Variants in ILDR1 observed in about 807,000 individuals in gnomAD.
ILDR1 encodes immunoglobulin-like domain-containing receptor 1.
Under a neutral mutation model 62.4 loss-of-function variants are expected in ILDR1, and 56 were observed. The ratio of observed to expected loss-of-function variants is 0.90; its 90% CI spans 0.72 to 1.12. ILDR1 has a LOEUF of 1.12. Among genes scored for constraint, ILDR1 ranks in the 50% most tolerant of loss-of-function variants. ILDR1 has a pLI of 0.00. For synonymous variants in ILDR1, 284 were observed against 277.8 expected (o/e 1.02, Z -0.22); for missense variants, 736 against 710.6 (o/e 1.04, Z -0.41).
intron 1 of ILDR1, among the ~76,000 whole-genome samples, chr3:122,013,982 A>C (rs1336234785): frequency 2.0e-5 from 3 of 152,232 alleles, no homozygotes; most frequent in African/African-American, 7.2e-5. Context: ...TTGATGAGGA[A>C]AATTCTGAGA....
At chr3:122,061,471 A>G in the ILDR1 span, among the ~76,000 whole-genome samples, 1 of 152,252 alleles carries the variant, frequency 6.6e-6, no homozygotes, top group Non-Finnish European at 1.5e-5. Flanking sequence ...AGAAATGCCA[A>G]TTCAAACACC....
chr3:122,039,554 G>A, the ILDR1 span, among the ~76,000 whole-genome samples: 2 of 152,108 alleles, frequency 1.3e-5, no homozygotes, highest in Non-Finnish European at 2.9e-5. Context: ...TTTTTCAGAA[G>A]CAATGGAGAA....
the ILDR1 span, among the ~76,000 whole-genome samples, chr3:122,053,204 T>A: frequency 6.6e-6 from 1 of 152,218 alleles, no homozygotes; most frequent in Admixed American, 6.5e-5. Flanking sequence ...ATTTCCCTAA[T>A]GACTAGTGGT....
At chr3:122,061,429 A>G in the ILDR1 span, among the ~76,000 whole-genome samples, 2 of 152,238 alleles carry the variant, frequency 1.3e-5, no homozygotes, top group African/African-American at 4.8e-5. Flanking sequence ...AGAAATAAAC[A>G]TGACAAAAAG....
At chr3:122,050,129 T>C in the ILDR1 span, among the ~76,000 whole-genome samples, 1 of 152,236 alleles carries the variant, frequency 6.6e-6, no homozygotes, top group African/African-American at 2.4e-5. Context: ...TTTTCCATCC[T>C]TATACTTTCA....
At chr3:122,019,867 G>C (rs2071831811) in intron 1 of ILDR1, among the ~76,000 whole-genome samples, 1 of 152,178 alleles carries the variant, frequency 6.6e-6, no homozygotes, top group Admixed American at 6.5e-5. Context: ...TCTAGTACAG[G>C]GTTTTCCAAA....
chr3:122,036,483 G>C, the ILDR1 span, among the ~76,000 whole-genome samples: 1 of 151,954 alleles, frequency 6.6e-6, no homozygotes, highest in African/African-American at 2.4e-5. Context: ...CAGCTACTCA[G>C]GAGGCTGAGG....
chr3:122,036,538 G>A, the ILDR1 span, among the ~76,000 whole-genome samples: 9 of 150,532 alleles, frequency 6.0e-5, no homozygotes, highest in South Asian at 4.2e-4. Flanking sequence ...GCAGTGAGCC[G>A]AGATCATGCC....
rs767126013 is a variant in ILDR1, at chr3:121,993,424, C to CGGCTCCTGAAAGGAGGGT, written c.1307_1324dup (p.His436_Ser441dup). 4 of 1,613,696 alleles carry CGGCTCCTGAAAGGAGGGT rather than the reference C, an allele frequency of 2.5e-6. No individual in the cohort carries two copies. In the African/African-American group the frequency reaches 5.3e-5, roughly 22 times the overall value. ...GGGCCTGCGGGGCCTCTCCTGACAG[C>CGGCTCCTGAAAGGAGGGT]GGCTCCTGAAAGGAGGGTGGCTCGG... is the stretch of plus-strand genomic sequence containing the variant. On this transcript the variant is annotated inframe_insertion, in exon 7 of 8. Transcript: ENST00000344209.
At chr3:122,048,208 G>A in the ILDR1 span, among the ~76,000 whole-genome samples, 4 of 152,114 alleles carry the variant, frequency 2.6e-5, no homozygotes, top group Admixed American at 6.5e-5. Flanking sequence ...TGTCTATTGA[G>A]ATGACCATAT....
chr3:121,994,805 A>T (rs1165834466), intron 5 of ILDR1, among the ~76,000 whole-genome samples: 1 of 152,202 alleles, frequency 6.6e-6, no homozygotes, highest in Non-Finnish European at 1.5e-5. Flanking sequence ...TAATGGGCAG[A>T]ATTACTTGGC....
intron 4 of ILDR1, 125 bp downstream of exon 4, chr3:122,001,620 T>C (rs984835456): frequency 6.6e-7 from 1 of 1,514,730 alleles, no homozygotes; most frequent in Non-Finnish European, 9.2e-7. Context: ...AAGGGAACTT[T>C]AGAGGTTGAT....
chr3:121,998,788 C>T (rs535215680), intron 5 of ILDR1, among the ~76,000 whole-genome samples: 1 of 152,268 alleles, frequency 6.6e-6, no homozygotes, highest in African/African-American at 2.4e-5. Flanking sequence ...CAGTCCAATG[C>T]TGCATCCTCC....
the ILDR1 span, among the ~76,000 whole-genome samples, chr3:122,047,589 G>A: frequency 1.2e-4 from 18 of 152,270 alleles, no homozygotes; most frequent in Admixed American, 5.2e-4. Flanking sequence ...AGGACCCTCC[G>A]AGCCAGGTGT....
the ILDR1 span, among the ~76,000 whole-genome samples, chr3:122,036,590 A>G: frequency 2.7e-5 from 4 of 146,532 alleles, no homozygotes; most frequent in African/African-American, 1.0e-4. Flanking sequence ...CTCCATTTCA[A>G]AAAAAAAAAA....
At chr3:122,004,499 A>C (rs1424590012) in intron 3 of ILDR1, among the ~76,000 whole-genome samples, 1 of 152,234 alleles carries the variant, frequency 6.6e-6, no homozygotes, top group East Asian at 1.9e-4. Context: ...CCAGGTTCAT[A>C]TACCCTGTAA....
chr3:121,987,946 C>T lies in ILDR1; in HGVS notation c.*421G>A. ...TAGTAATGGGGACTTGCTCTATTGC[C>T]CAGGCTGGAATACAGATGTGTGATC... is the stretch of plus-strand genomic sequence containing the variant. On this transcript the variant is annotated 3_prime_UTR_variant, in exon 8 of 8. Transcript: ENST00000344209. 1 of 294,384 alleles carries T rather than the reference C, an allele frequency of 3.4e-6. No homozygotes were observed. The highest frequency in any genetic ancestry group is 6.7e-6 in the Non-Finnish European group (1 of 150,198). The allele number at this position is 294,384 out of a possible 1,614,324, so 18.2% of individuals were successfully genotyped here.
At chr3:121,992,903 T>C (rs1343701664) in intron 7 of ILDR1, among the ~76,000 whole-genome samples, 1 of 152,210 alleles carries the variant, frequency 6.6e-6, no homozygotes, top group Middle Eastern at 3.2e-3. Context: ...AGGACTGCGA[T>C]GACAGCCGAA....
chr3:122,028,306 A>C, the ILDR1 span, among the ~76,000 whole-genome samples: 74 of 144,392 alleles, frequency 5.1e-4, no homozygotes, highest in African/African-American at 1.4e-3. Context: ...ACTGCACTCC[A>C]GCCTGGGCAA....
Sources: allele counts gnomAD v4.1 joint callset (sites outside exome capture counted in the v4.1 genomes callset), GRCh38; gene constraint gnomAD v4.1.1; transcripts MANE v1.5; gene names NCBI Gene and HGNC (gene_info 2026-07-23, HGNC 2026-07-21).